Variants in NDUFB2 observed in about 807,000 individuals in gnomAD.
The protein encoded by NDUFB2 is NADH:ubiquinone oxidoreductase subunit B2, also known as NADH dehydrogenase [ubiquinone] 1 beta subcomplex subunit 2, mitochondrial.
Under a neutral mutation model 13.4 loss-of-function variants are expected in NDUFB2, and 13 were observed. The observed-to-expected ratio is 0.97, with a 90% CI of 0.63 to 1.54. The LOEUF (loss-of-function observed/expected upper bound fraction) is 1.54. Ranked by LOEUF, NDUFB2 falls within the 40% of genes most tolerant of loss-of-function variation. The pLI, the probability that NDUFB2 is intolerant of heterozygous loss-of-function variation, is 0.00. For synonymous variants in NDUFB2, 47 were observed against 50.6 expected (o/e 0.93, Z 0.30); for missense variants, 150 against 139.7 (o/e 1.07, Z -0.37).
Position 140,702,903 on chromosome 7 carries a change from C to T in NDUFB2, c.136C>T (p.Gln46Ter), listed in dbSNP as rs1794916077. ...TGTGCACATTGAGCCCCGGTATAGA[C>T]AGTTCCCCCAGCTGACCAGATCCCA... ...GGVHIEPRYR[Q>*]FPQLTRSQVF... The change falls in exon 2 of 4, where the codon CAG (glutamine) becomes TAG (stop). Residue 46 changes from glutamine to a stop codon, truncating the protein, a stop_gained. Transcript: ENST00000247866. LOFTEE classifies it high-confidence loss of function. 6.2e-7 allele frequency: 1 copy of T among 1,614,002 alleles called. No homozygotes were observed. The highest frequency in any genetic ancestry group is 1.3e-5 in the African/African-American group (1 of 74,902).
intron 3 of NDUFB2, chr7:140,706,099 T>TGTTAC (rs1371756653): frequency 6.6e-6 from 1 of 151,310 alleles, no homozygotes; most frequent in Non-Finnish European, 1.5e-5. Flanking sequence ...TGTTATGTTA[T>TGTTAC]GTTATGTTAT....
At chr7:140,698,789 AT>A (rs1323398304) in intron 1 of NDUFB2, among the ~76,000 whole-genome samples, 1 of 152,146 alleles carries the variant, frequency 6.6e-6, no homozygotes, top group Non-Finnish European at 1.5e-5. Context: ...AGGACTCGGA[AT>A]TTTATTCTAA....
At chr7:140,699,068 G>A (rs986727434) in intron 1 of NDUFB2, among the ~76,000 whole-genome samples, 14 of 152,166 alleles carry the variant, frequency 9.2e-5, no homozygotes, top group Non-Finnish European at 1.9e-4. Flanking sequence ...TGAGGCAGGA[G>A]AATTGCTTGA....
At chr7:140,698,308 G>A (rs1432905624) in intron 1 of NDUFB2, 1 of 1,350,318 alleles carries the variant, frequency 7.4e-7, no homozygotes, top group Non-Finnish European at 9.8e-7. Context: ...TTCAGAGTGT[G>A]TGATAATTAA....
chr7:140,703,337 C>T (rs2130802015), intron 2 of NDUFB2, among the ~76,000 whole-genome samples: 1 of 146,694 alleles, frequency 6.8e-6, no homozygotes, highest in African/African-American at 2.6e-5. Flanking sequence ...TGCAGTGGCA[C>T]AATCTCGGCT....
chr7:140,697,321 C>T (rs1260996192), intron 1 of NDUFB2: 2 of 702,884 alleles, frequency 2.8e-6, no homozygotes, highest in South Asian at 1.5e-5. Flanking sequence ...GTCACGTGGC[C>T]GCTTTTTAAT....
intron 1 of NDUFB2, among the ~76,000 whole-genome samples, chr7:140,699,243 C>T (rs565136700): frequency 6.6e-6 from 1 of 152,338 alleles, no homozygotes; most frequent in Non-Finnish European, 1.5e-5. Context: ...GAAGTTGGAA[C>T]AGCCATTATT....
rs949200081 is a variant in NDUFB2 at position 140,704,922 on chromosome 7, T to A, written c.306T>A (p.Asp102Glu). The A allele has an allele frequency of 2.5e-6, 4 of 1,600,638 alleles. No individual in the cohort carries two copies. The highest frequency in any genetic ancestry group is 3.4e-6 in the Non-Finnish European group (4 of 1,173,100). The change falls in exon 3 of 4, where the codon GAT becomes GAA. Residue 102 changes from aspartate (D) to glutamate (E), a missense_variant. By Grantham distance (45) the Asp-to-Glu change is conservative (BLOSUM62 2). Transcript: ENST00000247866. ...ATGAAGAATTAGGTATCCCTCCTGA[T>A]GATGAAGACTGAAGGTGTAGACTCA... ...WTDEELGIPP[D>E]DED
At chr7:140,698,055 T>C (rs1220340379) in intron 1 of NDUFB2, 7 of 1,307,918 alleles carry the variant, frequency 5.4e-6, no homozygotes, top group Non-Finnish European at 7.0e-6. Flanking sequence ...AAGTATTCTT[T>C]AACTGTTGTT....
At chr7:140,697,608 G>A (rs1246881936) in intron 1 of NDUFB2, among the ~76,000 whole-genome samples, 2 of 152,166 alleles carry the variant, frequency 1.3e-5, no homozygotes, top group Admixed American at 1.3e-4. Context: ...AAAGAGTCAT[G>A]GATGATTCCA....
At chr7:140,697,118 G>A (rs1794820348) in intron 1 of NDUFB2, 2 of 589,736 alleles carry the variant, frequency 3.4e-6, no homozygotes, top group African/African-American at 1.9e-5. Flanking sequence ...GCGTGAATGC[G>A]GAGCGGGCTG....
chr7:140,704,865 CT>C lies in NDUFB2; in HGVS notation c.252del (p.Pro85ArgfsTer13). On this transcript the variant is annotated frameshift_variant, in exon 3 of 4. Coordinates refer to ENST00000247866, the MANE Select transcript of NDUFB2 (RefSeq NM_004546.3). LOFTEE classifies it high-confidence loss of function. ...TTTTAAATGGTTGTCACCAGGGTCA[CT>C]TTCCGTATCCTGATCCTTCCCAGTG... is the stretch of plus-strand genomic sequence containing the variant. Reference protein sequence around the residue: ...WHDSEEVLGHFPYPDPSQWTD... With the variant: ...WHDSEEVLGHXPYPDPSQWTD... The C allele has an allele frequency of 6.3e-7, 1 of 1,584,960 alleles. No individual in the cohort carries two copies. Among genetic ancestry groups the C allele is most frequent in the Non-Finnish European group, 8.6e-7 (1 of 1,167,838 alleles).
intron 1 of NDUFB2, among the ~76,000 whole-genome samples, chr7:140,698,944 G>A (rs1286792609): frequency 6.6e-6 from 1 of 152,164 alleles, no homozygotes; most frequent in Non-Finnish European, 1.5e-5. Flanking sequence ...GATCACCTGA[G>A]GTCAGGAGTT....
chr7:140,703,329 C>G (rs1794922705), intron 2 of NDUFB2, among the ~76,000 whole-genome samples: 1 of 145,644 alleles, frequency 6.9e-6, no homozygotes, highest in Admixed American at 7.0e-5. Flanking sequence ...GGCAGGAGTG[C>G]AGTGGCACAA....
At chr7:140,702,661 T>A in intron 1 of NDUFB2, 1 of 525,978 alleles carries the variant, frequency 1.9e-6, no homozygotes, top group Non-Finnish European at 3.2e-6. Flanking sequence ...ATTAGCCTCT[T>A]GTCAGTTTTG....
chr7:140,706,002 T>G (rs1794962567), intron 3 of NDUFB2: 1 of 150,600 alleles, frequency 6.6e-6, no homozygotes, highest in Admixed American at 6.6e-5. Context: ...TTTTATTTTA[T>G]ATTTTATTTT....
chr7:140,703,264 T>TA (rs1167029850), intron 2 of NDUFB2, among the ~76,000 whole-genome samples: 1 of 147,730 alleles, frequency 6.8e-6, no homozygotes, highest in African/African-American at 2.6e-5. Context: ...TTAGGGAGAC[T>TA]AAAAGCTCAT....
chr7:140,697,858 G>A (rs1196830274), intron 1 of NDUFB2, among the ~76,000 whole-genome samples: 1 of 152,158 alleles, frequency 6.6e-6, no homozygotes, highest in African/African-American at 2.4e-5. Flanking sequence ...TTTAGGAGAT[G>A]GGGTCTAACT....
rs981027853 is a variant in NDUFB2, at chr7:140,704,924, A to G, written c.308A>G (p.Asp103Gly). Residue 103 changes from aspartate to glycine, a missense_variant, in exon 3 of 4, where the codon GAT (aspartate) becomes GGT (glycine). Physicochemically the swap from Asp to Gly is moderately conservative, Grantham distance 94. Coordinates refer to ENST00000247866, the MANE Select transcript of NDUFB2 (RefSeq NM_004546.3). ...GAAGAATTAGGTATCCCTCCTGATG[A>G]TGAAGACTGAAGGTGTAGACTCAGC... ...TDEELGIPPD[D>G]ED is the part of the protein sequence containing the mutation. 5 of 1,600,394 alleles carry G rather than the reference A, an allele frequency of 3.1e-6. No individual in the cohort carries two copies. The highest frequency in any genetic ancestry group is 3.4e-6 in the Non-Finnish European group (4 of 1,173,040).
Sources: gnomAD v4.1 joint callset for allele counts (sites outside exome capture counted in the v4.1 genomes callset) on GRCh38, gnomAD v4.1.1 for gene constraint, MANE v1.5 for transcripts, NCBI Gene and HGNC (gene_info 2026-07-23, HGNC 2026-07-21) for gene names.